UBR3: variants seen among roughly 807,000 people sequenced by gnomAD.
UBR3 encodes the protein E3 ubiquitin-protein ligase UBR3.
Under a neutral mutation model 243.2 loss-of-function variants are expected in UBR3, and 85 were observed. That is an observed-to-expected ratio of 0.35 (90% CI 0.29 to 0.42). The LOEUF (loss-of-function observed/expected upper bound fraction) is 0.42. Among genes scored for constraint, UBR3 ranks in the 10% least tolerant of loss-of-function variants. The probability of loss-of-function intolerance (pLI) is 1.00; values close to 1 mark genes in which losing one functional copy is unlikely to be tolerated. For synonymous variants in UBR3, 748 were observed against 799.8 expected, an observed-to-expected ratio of 0.94 and a Z score of 1.09; for missense variants, 1,686 against 2,300.8, an observed-to-expected ratio of 0.73 and a Z score of 5.47.
chr2:169,990,865 A>ATT (rs56371090), intron 25 of UBR3, among the ~76,000 whole-genome samples: 53 of 151,634 alleles, frequency 3.5e-4, no homozygotes, highest in Admixed American at 1.2e-3. Context: ...GGAAGAATTA[A>ATT]TTTTTTTTTA....
chr2:169,926,588 C>CA (rs869043180), intron 14 of UBR3, 104 bp from the exon 15 acceptor site: 2 of 180,988 alleles, frequency 1.1e-5, no homozygotes, highest in African/African-American at 5.7e-5. Flanking sequence ...GTCTCAAAAA[C>CA]AAAAAACAAA....
At chr2:169,865,665 C>G (rs774147803) in intron 1 of UBR3, among the ~76,000 whole-genome samples, 3 of 152,176 alleles carry the variant, frequency 2.0e-5, no homozygotes, top group Non-Finnish European at 4.4e-5. Context: ...TTTCTGCTTT[C>G]CAGCTCTCAA....
At chr2:169,913,967 A>C in intron 10 of UBR3, 93 bp from the exon 11 acceptor site, 1 of 489,820 alleles carries the variant, frequency 2.0e-6, no homozygotes, top group Non-Finnish European at 3.1e-6. Flanking sequence ...TTACCATTTT[A>C]TATATACACA....
chr2:169,846,785 C>T (rs1574034034), intron 1 of UBR3, among the ~76,000 whole-genome samples: 2 of 151,998 alleles, frequency 1.3e-5, no homozygotes, highest in African/African-American at 4.8e-5. Context: ...CAGGCTGGAG[C>T]GCAGTGGCAC....
chr2:170,037,220 T>C (rs561915530), intron 31 of UBR3, among the ~76,000 whole-genome samples: 87 of 152,296 alleles, frequency 5.7e-4, no homozygotes, highest in African/African-American at 1.9e-3. Flanking sequence ...CCTGTTTCTC[T>C]GACAATACCA....
chr2:169,853,554 G>C (rs894073055), intron 1 of UBR3, among the ~76,000 whole-genome samples: 2 of 151,610 alleles, frequency 1.3e-5, no homozygotes, highest in Non-Finnish European at 2.9e-5. Context: ...AGGTTCAAAC[G>C]ATTCTCCTGC....
intron 35 of UBR3, among the ~76,000 whole-genome samples, chr2:170,068,242 G>A (rs551193506): frequency 5.9e-5 from 9 of 152,202 alleles, no homozygotes; most frequent in East Asian, 1.9e-4. Context: ...AGGCCAAGGC[G>A]GGCAGATCAC....
chr2:169,926,771 A>T, intron 15 of UBR3, 27 bp downstream of exon 15: 1 of 1,546,488 alleles, frequency 6.5e-7, no homozygotes, highest in South Asian at 1.2e-5. Context: ...TAAGACAGGT[A>T]TTAGGAAGTG....
At chr2:169,945,287 G>A (rs2086745121) in intron 20 of UBR3, among the ~76,000 whole-genome samples, 1 of 151,982 alleles carries the variant, frequency 6.6e-6, no homozygotes, top group African/African-American at 2.4e-5. Context: ...TTAAAAATCT[G>A]TTTTTTAAAA....
intron 1 of UBR3, among the ~76,000 whole-genome samples, chr2:169,848,119 C>T (rs1043317467): frequency 3.3e-5 from 5 of 152,200 alleles, no homozygotes; most frequent in South Asian, 2.1e-4. Flanking sequence ...CATATCATCA[C>T]GTCACTTGCT....
At chr2:169,836,094 G>T (rs866802972) in intron 1 of UBR3, among the ~76,000 whole-genome samples, 47 of 6,490 alleles carry the variant, frequency 7.2e-3, no homozygotes, top group East Asian at 0.036. Flanking sequence ...TTTTTTTTTT[G>T]AGATGGAAAC....
chr2:169,891,033 A>T (rs1393835942), intron 5 of UBR3, 132 bp from the exon 6 acceptor site: 1 of 501,814 alleles, frequency 2.0e-6, no homozygotes, highest in Non-Finnish European at 3.4e-6. Context: ...TATTATAGCA[A>T]ATACATAGAT....
chr2:169,857,593 T>G (rs929023472), intron 1 of UBR3, among the ~76,000 whole-genome samples: 1 of 151,632 alleles, frequency 6.6e-6, no homozygotes, highest in East Asian at 1.9e-4. Context: ...ATGTTTTTTT[T>G]TTTTTTTATT....
chr2:170,058,369 C>G (rs572224242), intron 33 of UBR3, among the ~76,000 whole-genome samples: 3 of 152,154 alleles, frequency 2.0e-5, no homozygotes, highest in Admixed American at 2.0e-4. Context: ...AGATTTAGTT[C>G]TGAAAAAGTC....
chr2:169,932,898 C>G lies in UBR3; in HGVS notation c.2567-14C>G. The stretch of plus-strand genomic sequence containing the variant: ...TCTGAGAAGTCAATGTTTCTACTTT[C>G]TTTTGAATAATAGCTGAAGTCTGGG... On this transcript the variant is annotated splice_polypyrimidine_tract_variant and intron_variant, in intron 18 of 38. Transcript: ENST00000272793. 2 of 1,539,424 alleles carry G rather than the reference C, an allele frequency of 1.3e-6. No individual in the cohort carries two copies. The highest frequency in any genetic ancestry group is 1.8e-6 in the Non-Finnish European group (2 of 1,141,192).
intron 1 of UBR3, among the ~76,000 whole-genome samples, chr2:169,841,627 G>GCAGC (rs1397762291): frequency 3.9e-5 from 6 of 152,222 alleles, no homozygotes; most frequent in African/African-American, 1.4e-4. Flanking sequence ...TGCACTCGGA[G>GCAGC]CAGCCAGCCA....
At chr2:170,075,343 G>A (rs1453130526) in intron 36 of UBR3, among the ~76,000 whole-genome samples, 1 of 152,128 alleles carries the variant, frequency 6.6e-6, no homozygotes, top group Non-Finnish European at 1.5e-5. Flanking sequence ...TATGCAGGAT[G>A]ACATGGAGTA....
chr2:169,836,888 G>A (rs1305524730), intron 1 of UBR3, among the ~76,000 whole-genome samples: 1 of 151,864 alleles, frequency 6.6e-6, no homozygotes, highest in African/African-American at 2.4e-5. Flanking sequence ...CTGATCCTTT[G>A]TTGTATAAAT....
rs185802304 is a variant in UBR3 at position 170,010,443 on chromosome 2, A to C, written c.4367+1503A>C. ...TGACCTTTTAAGAAAATCTTTATTGAATGGGAATAATCTGTCATTGGAATT... is the reference window on the plus strand; with the variant it reads ...TGACCTTTTAAGAAAATCTTTATTGCATGGGAATAATCTGTCATTGGAATT... On this transcript the variant is annotated intron_variant, in intron 29 of 38. Coordinates refer to ENST00000272793, the MANE Select transcript of UBR3 (RefSeq NM_172070.4). Among the ~76,000 whole-genome samples, 4 of 152,322 alleles carry C rather than the reference A, an allele frequency of 2.6e-5. 1 individual carries two copies. Among genetic ancestry groups the C allele is most frequent in the Admixed American group, 2.6e-4 (4 of 15,300 alleles).
Sources: gnomAD v4.1 joint callset for allele counts (sites outside exome capture counted in the v4.1 genomes callset) on GRCh38, gnomAD v4.1.1 for gene constraint, MANE v1.5 for transcripts, NCBI Gene and HGNC (gene_info 2026-07-23, HGNC 2026-07-21) for gene names.